Variants in KIF17 observed in about 807,000 individuals in gnomAD.
KIF17 encodes kinesin family member 17.
A neutral mutation model predicts 96.8 loss-of-function variants in KIF17; 80 were observed. The ratio of observed to expected loss-of-function variants is 0.83; its 90% confidence interval spans 0.69 to 1.00. The LOEUF (loss-of-function observed/expected upper bound fraction) is 1.00. Ranked by LOEUF, KIF17 falls within the 50% of genes least tolerant of loss-of-function variation. KIF17 has a pLI of 0.00. For synonymous variants in KIF17, 567 were observed against 587.5 expected (o/e 0.97, Z 0.51); for missense variants, 1,280 against 1,372.9 (o/e 0.93, Z 1.07).
intron 11 of KIF17, among the ~76,000 whole-genome samples, chr1:20,673,237 A>T (rs191022574): frequency 7.2e-5 from 11 of 152,130 alleles, no homozygotes; most frequent in Non-Finnish European, 1.2e-4. Context: ...AAATAAATAG[A>T]TAAATAAAAA....
chr1:20,701,649 G>A (rs1042091789), intron 5 of KIF17, among the ~76,000 whole-genome samples: 1 of 152,128 alleles, frequency 6.6e-6, no homozygotes, highest in Admixed American at 6.5e-5. Flanking sequence ...AGGTGGGTGG[G>A]GAGGCAGGAA....
chr1:20,713,605 C>G lies in KIF17; in HGVS notation c.379-50G>C, dbSNP rs766209291. On this transcript the variant is annotated intron_variant, in intron 2 of 14. Transcript: ENST00000400463. ...CTAGACCTCAGAGCTCGAAGTCCAC[C>G]TGCTGCCAGGTCTGACCCTGGGGCC... The G allele has an allele frequency of 2.1e-6, 3 of 1,404,652 alleles. No individual in the cohort carries two copies. The South Asian group carries it at 3.6e-5, about 17-fold the overall frequency. The allele number at this position is 1,404,652 out of a possible 1,614,324, so 87.0% of individuals were successfully genotyped here.
At chr1:20,712,634 A>C (rs1434114380) in intron 3 of KIF17, among the ~76,000 whole-genome samples, 2 of 88,730 alleles carry the variant, frequency 2.3e-5, no homozygotes, top group South Asian at 3.0e-4. Flanking sequence ...TAATATCTAT[A>C]TATATAATAT....
chr1:20,680,296 A>C (rs1316080109), intron 11 of KIF17, among the ~76,000 whole-genome samples: 1 of 152,264 alleles, frequency 6.6e-6, no homozygotes, highest in Admixed American at 6.5e-5. Flanking sequence ...CAAAGTAAAC[A>C]GAAAAGAACA....
At chr1:20,713,430 T>C (rs1290662879) in intron 3 of KIF17, 24 bp downstream of exon 3, 2 of 1,575,850 alleles carry the variant, frequency 1.3e-6, no homozygotes, top group South Asian at 2.2e-5. Flanking sequence ...CAGCCCCACC[T>C]GCCCACAATG....
chr1:20,670,847 G>T (rs10157351), intron 12 of KIF17, among the ~76,000 whole-genome samples: 80,840 of 151,920 alleles, frequency 0.53, 21,831 homozygotes, highest in Admixed American at 0.62. Flanking sequence ...GGATGAACAC[G>T]CTGAGCAAGA....
At position 20,672,885 on chromosome 1, in the gene KIF17, G is replaced by A. The variant is rs370056863; in HGVS notation, c.2464-689C>T. On this transcript the variant is annotated intron_variant, in intron 11 of 14. Coordinates refer to ENST00000400463, the MANE Select transcript of KIF17 (RefSeq NM_001122819.3). The surrounding 1 kb of genome is among the most constrained non-coding windows in gnomAD (Gnocchi z 4.3). ...TCCCTGAGCCCCAAGACTACCTGGT[G>A]CACAGTCTGTTTCCTCAAAGAGCAG... 6.3e-5 allele frequency: 10 copies of A among 159,954 alleles called. No individual in the cohort carries two copies. Among genetic ancestry groups the A allele is most frequent in the African/African-American group, 1.4e-4 (6 of 41,662 alleles). The allele number at this position is 159,954 out of a possible 1,614,324, so 9.9% of individuals were successfully genotyped here. A position where few individuals can be genotyped will look rare whatever the true frequency, so the allele number is the denominator to read the frequency against.
chr1:20,664,913 T>C, intron 14 of KIF17, 151 bp from the exon 15 acceptor site: 6 of 730,572 alleles, frequency 8.2e-6, no homozygotes, highest in African/African-American at 1.7e-5. Context: ...GACCCCAGGC[T>C]CTGCGAGGCT....
At chr1:20,666,509 G>C (rs951548953) in intron 13 of KIF17, among the ~76,000 whole-genome samples, 178 bp from the exon 14 acceptor site, 1 of 152,166 alleles carries the variant, frequency 6.6e-6, no homozygotes, top group Non-Finnish European at 1.5e-5. Flanking sequence ...CCTGGACTCG[G>C]GGGTGGGATC....
chr1:20,698,829 A>C (rs1356746478), intron 5 of KIF17, among the ~76,000 whole-genome samples: 1 of 152,104 alleles, frequency 6.6e-6, no homozygotes, highest in Non-Finnish European at 1.5e-5. Flanking sequence ...CTGCCTAAGC[A>C]CCTCCCATCA....
chr1:20,688,333 G>A (rs2053978028), intron 7 of KIF17, among the ~76,000 whole-genome samples: 1 of 152,130 alleles, frequency 6.6e-6, no homozygotes, highest in Admixed American at 6.5e-5. Flanking sequence ...ACAGGCATGA[G>A]CCACCGCGCC....
At chr1:20,695,580 G>A (rs2154536609) in intron 6 of KIF17, among the ~76,000 whole-genome samples, 1 of 152,172 alleles carries the variant, frequency 6.6e-6, no homozygotes, top group East Asian at 1.9e-4. Flanking sequence ...CTTTAGCTCT[G>A]TCTTCCCAAC....
chr1:20,711,034 C>T (rs1345161603), intron 3 of KIF17, among the ~76,000 whole-genome samples: 6 of 149,418 alleles, frequency 4.0e-5, no homozygotes, highest in South Asian at 2.1e-4. Context: ...GACGGAGCCG[C>T]GTGTGGCCTG....
intron 8 of KIF17, 156 bp from the exon 9 acceptor site, chr1:20,686,282 G>A: frequency 2.9e-6 from 2 of 701,480 alleles, no homozygotes; most frequent in Non-Finnish European, 5.2e-6. Flanking sequence ...GCACAAAGGA[G>A]GGAAGAGATG....
chr1:20,698,767 G>A (rs941715094), intron 5 of KIF17, among the ~76,000 whole-genome samples: 2 of 152,146 alleles, frequency 1.3e-5, no homozygotes, highest in Admixed American at 6.5e-5. Context: ...AAAAGCAGAT[G>A]GACAAGGTGA....
intron 13 of KIF17, among the ~76,000 whole-genome samples, chr1:20,670,059 T>TG (rs1377137626): frequency 2.0e-5 from 3 of 150,972 alleles, no homozygotes; most frequent in Non-Finnish European, 2.9e-5. Context: ...TCCCAATTAC[T>TG]GCTTCATGAA....
chr1:20,675,150 CAA>C (rs35262169), intron 11 of KIF17, among the ~76,000 whole-genome samples: 53 of 115,736 alleles, frequency 4.6e-4, no homozygotes, highest in African/African-American at 5.1e-4. Flanking sequence ...GACTCCATCT[CAA>C]AAAAAAAAAA....
Position 20,687,131 on chromosome 1 carries a change from C to A in KIF17, c.1938+257G>T, listed in dbSNP as rs1312493730. On this transcript the variant is annotated intron_variant, in intron 8 of 14. Transcript: ENST00000400463. The surrounding 1 kb of genome is among the most constrained non-coding windows in gnomAD (Gnocchi z 4.4). ...CCTCCATCTGCAGAACGGGAGCCCACCTGGCATAACCTTGCATCGCGACCC... is the reference window on the plus strand; with the variant it reads ...CCTCCATCTGCAGAACGGGAGCCCAACTGGCATAACCTTGCATCGCGACCC... 6.6e-6 allele frequency among the ~76,000 whole-genome samples: 1 copy of A among 152,198 alleles called. No homozygotes were observed. The highest frequency in any genetic ancestry group is 1.5e-5 in the Non-Finnish European group (1 of 68,042).
At chr1:20,711,805 C>T (rs2054441488) in intron 3 of KIF17, among the ~76,000 whole-genome samples, 1 of 151,986 alleles carries the variant, frequency 6.6e-6, no homozygotes, top group African/African-American at 2.4e-5. Context: ...TGCTGTGGAG[C>T]CCCCGGGTTC....
Sources: allele counts gnomAD v4.1 joint callset (sites outside exome capture counted in the v4.1 genomes callset), GRCh38; gene constraint gnomAD v4.1.1; non-coding constraint Gnocchi (gnomAD v3.1); transcripts MANE v1.5; gene names NCBI Gene and HGNC (gene_info 2026-07-23, HGNC 2026-07-21).